CNTN5: variants seen among roughly 807,000 people sequenced by gnomAD.
CNTN5 encodes contactin-5.
CNTN5 carries 77 observed loss-of-function variants against 129.1 expected under a neutral mutation model. The observed-to-expected ratio is 0.60, with a 90% CI of 0.50 to 0.72. The LOEUF is 0.72. Among genes scored for constraint, CNTN5 ranks in the 30% least tolerant of loss-of-function variants. CNTN5 has a pLI of 0.00. For missense variants in CNTN5, 1,478 were observed against 1,328.8 expected (o/e 1.11, Z -1.75); for synonymous variants, 509 against 465.6 (o/e 1.09, Z -1.20).
rs143786674 is a variant in CNTN5 at position 100,007,601 on chromosome 11, G to A, written c.980+5465G>A. Among the ~76,000 whole-genome samples, 875 of 152,126 alleles carry A rather than the reference G, an allele frequency of 5.8e-3. 10 individuals are homozygous for A. Among genetic ancestry groups the A allele is most frequent in the African/African-American group, 0.02 (837 of 41,524 alleles). ...TTTCTCTTGCAGCTTCCTCACCTCT[G>A]TCAGCCTTCATAGAATTGAAGACAT... On this transcript the variant is annotated intron_variant, in intron 9 of 24. Transcript: ENST00000524871.
chr11:99,305,917 G>A (rs570147193), intron 1 of CNTN5, among the ~76,000 whole-genome samples: 1 of 151,988 alleles, frequency 6.6e-6, no homozygotes, highest in South Asian at 2.1e-4. Context: ...GGAGGTGGAG[G>A]TTGCAGGGAG....
chr11:100,056,937 C>A (rs1046712487), intron 9 of CNTN5, among the ~76,000 whole-genome samples: 1 of 151,592 alleles, frequency 6.6e-6, no homozygotes, highest in Non-Finnish European at 1.5e-5. Flanking sequence ...AATTTTTAAA[C>A]TTTTATCATA....
At chr11:99,934,560 G>A (rs765820133) in intron 7 of CNTN5, among the ~76,000 whole-genome samples, 17 of 152,072 alleles carry the variant, frequency 1.1e-4, no homozygotes, top group Non-Finnish European at 2.4e-4. Context: ...AGAAAAAATA[G>A]TTTAATACGT....
intron 9 of CNTN5, among the ~76,000 whole-genome samples, chr11:100,034,492 T>C (rs1941878374): frequency 6.6e-6 from 1 of 152,242 alleles, no homozygotes; most frequent in Admixed American, 6.5e-5. Flanking sequence ...GATTTCTTCC[T>C]CAGCCTTTTA....
intron 1 of CNTN5, among the ~76,000 whole-genome samples, chr11:99,274,913 TGTA>T (rs1390404615): frequency 6.6e-6 from 1 of 151,424 alleles, no homozygotes; most frequent in Non-Finnish European, 1.5e-5. Flanking sequence ...TACCAGTAGT[TGTA>T]GTATCACAAT....
intron 6 of CNTN5, among the ~76,000 whole-genome samples, chr11:99,886,205 A>G (rs1948898028): frequency 1.3e-5 from 2 of 152,070 alleles, no homozygotes; most frequent in South Asian, 4.1e-4. Flanking sequence ...TCACATATTC[A>G]GTTGCATTCA....
chr11:99,159,961 C>T (rs12365596), intron 1 of CNTN5, among the ~76,000 whole-genome samples: 38,966 of 152,046 alleles, frequency 0.26, 5,409 homozygotes, highest in Middle Eastern at 0.32. Context: ...TATTTATCAA[C>T]CTCCCACTGT....
In CNTN5 at chr11:100,270,883, CT is replaced by C. The variant is rs1950395535; in HGVS notation, c.2165-208del. ...GATAAAATGAAAGAGTCCTAATTAACTCCAACAAACTTTGACATATGTAAGT... is the reference window on the plus strand; with the variant it reads ...GATAAAATGAAAGAGTCCTAATTAACCCAACAAACTTTGACATATGTAAGT... On this transcript the variant is annotated intron_variant, in intron 17 of 24. Transcript: ENST00000524871. Among the ~76,000 whole-genome samples, 4 of 152,288 alleles carry C rather than the reference CT, an allele frequency of 2.6e-5. No individual in the cohort carries two copies. The South Asian group carries it at 8.3e-4, about 32-fold the overall frequency.
intron 1 of CNTN5, among the ~76,000 whole-genome samples, chr11:99,223,681 A>T (rs943671596): frequency 9.2e-5 from 14 of 152,184 alleles, no homozygotes; most frequent in Admixed American, 8.5e-4. Flanking sequence ...AGAAGTCCCC[A>T]TTATTCCAGG....
intron 1 of CNTN5, among the ~76,000 whole-genome samples, chr11:99,149,991 G>T (rs1859970095): frequency 6.6e-6 from 1 of 151,346 alleles, no homozygotes; most frequent in Non-Finnish European, 1.5e-5. Flanking sequence ...TATGATACCT[G>T]GTAAATAATT....
rs374514468 is a variant in CNTN5, at chr11:99,836,650, A to T, written c.278-8202A>T. Among the ~76,000 whole-genome samples, 724 of 152,226 alleles carry T rather than the reference A, an allele frequency of 4.8e-3. 12 individuals are homozygous for T. The highest frequency in any genetic ancestry group is 0.014 in the African/African-American group (587 of 41,542). On this transcript the variant is annotated intron_variant, in intron 4 of 24. Transcript: ENST00000524871. ...CAGCATGATTTATAATCCTTTGGGT[A>T]TATACCCAGTAATGGGATGGCTGGG...
intron 3 of CNTN5, among the ~76,000 whole-genome samples, chr11:99,768,215 A>G (rs1270055355): frequency 1.3e-5 from 2 of 152,080 alleles, no homozygotes; most frequent in Non-Finnish European, 2.9e-5. Flanking sequence ...CTTTGTAATT[A>G]TAGATAGGTA....
chr11:99,969,632 A>G (rs1951194298), intron 8 of CNTN5, among the ~76,000 whole-genome samples: 1 of 152,132 alleles, frequency 6.6e-6, no homozygotes, highest in Non-Finnish European at 1.5e-5. Flanking sequence ...CTCAGCCTTC[A>G]TTATTCTGAC....
At chr11:100,044,940 G>A (rs895632359) in intron 9 of CNTN5, among the ~76,000 whole-genome samples, 3 of 151,964 alleles carry the variant, frequency 2.0e-5, no homozygotes, top group South Asian at 2.1e-4. Flanking sequence ...ATAATCTCTC[G>A]CATTACTGAA....
At chr11:99,381,933 C>T (rs1940583987) in intron 2 of CNTN5, among the ~76,000 whole-genome samples, 1 of 152,090 alleles carries the variant, frequency 6.6e-6, no homozygotes, top group African/African-American at 2.4e-5. Flanking sequence ...CACCCATCTT[C>T]ATCTGATGCT....
chr11:99,958,882 C>A (rs74621961), intron 8 of CNTN5, among the ~76,000 whole-genome samples: 2 of 152,068 alleles, frequency 1.3e-5, no homozygotes, highest in African/African-American at 4.8e-5. Flanking sequence ...GTTGAGGAGG[C>A]TCTTCCACCT....
chr11:99,067,528 C>T (rs1865152825), intron 1 of CNTN5, among the ~76,000 whole-genome samples: 2 of 151,028 alleles, frequency 1.3e-5, no homozygotes, highest in South Asian at 2.1e-4. Context: ...ATGTGTGGCA[C>T]GAAGAGATAT....
intron 1 of CNTN5, among the ~76,000 whole-genome samples, chr11:99,202,600 TTTAA>T: frequency 6.6e-6 from 1 of 152,262 alleles, no homozygotes; most frequent in East Asian, 1.9e-4. Context: ...CATTAATTTT[TTTAA>T]TTGTTTAAAC....
chr11:100,023,216 T>G (rs1016341951), intron 9 of CNTN5, among the ~76,000 whole-genome samples: 1 of 152,242 alleles, frequency 6.6e-6, no homozygotes, highest in African/African-American at 2.4e-5. Context: ...GTTTCACCTT[T>G]TGATAGATTC....
Sources: allele counts gnomAD v4.1 joint callset (sites outside exome capture counted in the v4.1 genomes callset), GRCh38; gene constraint gnomAD v4.1.1; transcripts MANE v1.5; gene names NCBI Gene and HGNC (gene_info 2026-07-23, HGNC 2026-07-21).